RRM2: variants seen among roughly 807,000 people sequenced by gnomAD.
The protein encoded by RRM2 is ribonucleotide reductase regulatory subunit M2, also known as ribonucleoside-diphosphate reductase subunit M2.
Under a neutral mutation model 45.9 loss-of-function variants are expected in RRM2, and 6 were observed. The ratio of observed to expected loss-of-function variants is 0.13; its 90% CI spans 0.07 to 0.26. RRM2 has a LOEUF of 0.26. Among genes scored for constraint, RRM2 ranks in the 10% least tolerant of loss-of-function variants. The pLI, the probability that RRM2 is intolerant of heterozygous loss-of-function variation, is 1.00. For missense variants in RRM2, 343 were observed against 489.5 expected (o/e 0.70, Z 2.82); for synonymous variants, 177 against 173.0 (o/e 1.02, Z -0.18).
intron 3 of RRM2, among the ~76,000 whole-genome samples, chr2:10,165,555 G>A (rs1184173432): frequency 6.6e-6 from 1 of 152,236 alleles, no homozygotes; most frequent in African/African-American, 2.4e-5. Flanking sequence ...GCTCAGCTGG[G>A]CAAAAGGGAG....
rs1403970151 is a variant in RRM2 at position 10,122,879 on chromosome 2, G to T, written c.81G>T (p.Leu27Phe). 15 of 1,596,112 alleles carry T rather than the reference G, an allele frequency of 9.4e-6. No homozygotes were observed. In the East Asian group the frequency reaches 3.4e-4, roughly 36 times the overall value. Reference sequence around the variant, plus strand: ...TCTCGCCGCTGAAGGGGCTCAGCTTGGTCGACAAGGAGAACACGGTGAGCC... The same window carrying T: ...TCTCGCCGCTGAAGGGGCTCAGCTTTGTCGACAAGGAGAACACGGTGAGCC... ...LQLSPLKGLS[L>F]VDKENTPPAL... is the part of the protein sequence containing the mutation. Residue 27 changes from leucine to phenylalanine, a missense_variant, in exon 1 of 10, where the codon TTG (leucine) becomes TTT (phenylalanine). Coordinates refer to ENST00000304567, the MANE Select transcript of RRM2 (RefSeq NM_001034.4).
chr2:10,149,322 T>C (rs1663257434), intron 3 of RRM2, among the ~76,000 whole-genome samples: 1 of 152,140 alleles, frequency 6.6e-6, no homozygotes, highest in South Asian at 2.1e-4. Context: ...AGAGATGGTG[T>C]TTTGCCGTGT....
intron 3 of RRM2, among the ~76,000 whole-genome samples, chr2:10,164,171 G>T (rs538223087): frequency 3.3e-5 from 5 of 151,922 alleles, no homozygotes; most frequent in African/African-American, 4.8e-5. Flanking sequence ...GGAGCCCAGG[G>T]TGTATTTCCC....
intron 3 of RRM2, among the ~76,000 whole-genome samples, chr2:10,206,546 G>C (rs1238505487): frequency 1.3e-5 from 2 of 152,150 alleles, no homozygotes; most frequent in Non-Finnish European, 2.9e-5. Context: ...GGCAAAAAAA[G>C]GTGGCAGTGG....
chr2:10,166,707 T>C (rs969271826), intron 3 of RRM2, among the ~76,000 whole-genome samples: 1 of 152,234 alleles, frequency 6.6e-6, no homozygotes, highest in Non-Finnish European at 1.5e-5. Flanking sequence ...CTGTTCCCTA[T>C]GGCGCACCAG....
At chr2:10,184,969 C>T (rs1411994026) in intron 3 of RRM2, among the ~76,000 whole-genome samples, 1 of 152,178 alleles carries the variant, frequency 6.6e-6, no homozygotes. Flanking sequence ...CCCTGTGCAC[C>T]AGCATGCCCA....
At chr2:10,200,052 C>T (rs1433468020) in intron 3 of RRM2, among the ~76,000 whole-genome samples, 1 of 152,092 alleles carries the variant, frequency 6.6e-6, no homozygotes. Flanking sequence ...AGGCTGATCT[C>T]CAACTCCTGA....
In RRM2 at chr2:10,204,473, C is replaced by G. The variant is rs1664628232; in HGVS notation, n.483-5838C>G. 6.6e-6 allele frequency among the ~76,000 whole-genome samples: 1 copy of G among 152,196 alleles called. No homozygotes were observed. Among genetic ancestry groups the G allele is most frequent in the African/African-American group, 2.4e-5 (1 of 41,448 alleles). On this transcript the variant is annotated intron_variant and non_coding_transcript_variant, in intron 3 of 3. Coordinates refer to the RRM2 transcript ENST00000381786. This position sits in a 1 kb window ranked among gnomAD's most constrained non-coding sequence, Gnocchi z 4.0. ...TCCACTGGCAGAGAAGCAGCCAAGT[C>G]TCTGATGGAGCCCACCGGAGCAGCC...
At chr2:10,154,264 A>T (rs1476904844) in intron 3 of RRM2, among the ~76,000 whole-genome samples, 2 of 152,134 alleles carry the variant, frequency 1.3e-5, no homozygotes, top group Admixed American at 1.3e-4. Flanking sequence ...GCTTGAGGTC[A>T]GGGGTTCTAG....
At chr2:10,145,189 T>C (rs1572499820) in intron 3 of RRM2, among the ~76,000 whole-genome samples, 1 of 151,942 alleles carries the variant, frequency 6.6e-6, no homozygotes, top group Non-Finnish European at 1.5e-5. Context: ...GTGGTTGGAG[T>C]TGGCTGTGGG....
intron 3 of RRM2, among the ~76,000 whole-genome samples, chr2:10,178,518 T>C (rs1309603442): frequency 2.6e-5 from 4 of 152,118 alleles, no homozygotes; most frequent in African/African-American, 9.7e-5. Context: ...CCACTGTGCC[T>C]GGCCACCCCT....
At chr2:10,154,772 T>C (rs6721438) in intron 3 of RRM2, among the ~76,000 whole-genome samples, 2,427 of 142,768 alleles carry the variant, frequency 0.017, 58 homozygotes, top group African/African-American at 0.06. Flanking sequence ...CTCGGCTCAC[T>C]GCAACCTCTG....
rs1039829493 is a variant in RRM2 at position 10,204,440 on chromosome 2, C to T, written n.483-5871C>T. Among the ~76,000 whole-genome samples the T allele has an allele frequency of 4.6e-5, 7 of 152,206 alleles. No homozygotes were observed. Among genetic ancestry groups the T allele is most frequent in the Non-Finnish European group, 8.8e-5 (6 of 68,028 alleles). ...GGGAGGAACGGTTGGTGGGCAGCTG[C>T]CACTCTGTCCACTGGCAGAGAAGCA... On this transcript the variant is annotated intron_variant and non_coding_transcript_variant, in intron 3 of 3. Coordinates refer to the RRM2 transcript ENST00000381786. This position sits in a 1 kb window ranked among gnomAD's most constrained non-coding sequence, Gnocchi z 4.0.
intron 5 of RRM2, chr2:10,126,661 A>T (rs1284997272): frequency 3.3e-5 from 19 of 568,676 alleles, no homozygotes; most frequent in Non-Finnish European, 5.6e-5. Context: ...CCAAACTTGT[A>T]TTAATGTAAA....
intron 7 of RRM2, 70 bp from the exon 8 acceptor site, chr2:10,128,778 A>C: frequency 8.9e-7 from 1 of 1,120,012 alleles, no homozygotes. Flanking sequence ...GAAAAGGACA[A>C]AGTAATTTCA....
chr2:10,210,924 C>G (rs1050926281), exon 4 of RRM2: 1 of 222,730 alleles, frequency 4.5e-6, no homozygotes, highest in African/African-American at 2.3e-5. Flanking sequence ...GAGGCCTCAC[C>G]AGACACCAAA....
intron 3 of RRM2, among the ~76,000 whole-genome samples, chr2:10,158,904 C>T (rs1021623898): frequency 6.6e-6 from 1 of 152,154 alleles, no homozygotes; most frequent in Non-Finnish European, 1.5e-5. Flanking sequence ...CCTGACCCAA[C>T]CTGGGCAGGC....
intron 1 of RRM2, chr2:10,141,759 C>A: frequency 6.9e-7 from 1 of 1,452,658 alleles, no homozygotes; most frequent in Non-Finnish European, 9.1e-7. Flanking sequence ...GAAACAGAGC[C>A]CCAGGAGGTG....
At chr2:10,150,445 CA>C (rs564823462) in intron 3 of RRM2, among the ~76,000 whole-genome samples, 13,815 of 84,358 alleles carry the variant, frequency 0.16, 814 homozygotes, top group Middle Eastern at 0.25. Context: ...GACTCTGCCT[CA>C]AAAAAAAAAA....
Sources: allele counts gnomAD v4.1 joint callset (sites outside exome capture counted in the v4.1 genomes callset), GRCh38; gene constraint gnomAD v4.1.1; non-coding constraint Gnocchi (gnomAD v3.1); transcripts MANE v1.5; gene names NCBI Gene and HGNC (gene_info 2026-07-23, HGNC 2026-07-21).